Variants in MYO1D observed in about 807,000 individuals in gnomAD.
MYO1D encodes myosin ID, also known as unconventional myosin-Id.
Under a neutral mutation model 122.0 loss-of-function variants are expected in MYO1D, and 83 were observed. The ratio of observed to expected loss-of-function variants is 0.68; its 90% CI spans 0.57 to 0.82. The LOEUF (loss-of-function observed/expected upper bound fraction) is 0.82, where lower values mean the gene tolerates loss of function less well. Among genes scored for constraint, MYO1D ranks in the 40% least tolerant of loss-of-function variants. The pLI, the probability that MYO1D is intolerant of heterozygous loss-of-function variation, is 0.00. For synonymous variants in MYO1D, 464 were observed against 446.9 expected, an observed-to-expected ratio of 1.04 and a Z score of -0.48; for missense variants, 1,157 against 1,269.5, an observed-to-expected ratio of 0.91 and a Z score of 1.35.
At chr17:32,872,693 T>TC (rs1470978920) in intron 1 of MYO1D, among the ~76,000 whole-genome samples, 48 of 150,968 alleles carry the variant, frequency 3.2e-4, no homozygotes, top group African/African-American at 1.1e-3. Context: ...TAGGTCAATT[T>TC]TTTTTTTTTT....
chr17:32,650,273 C>T (rs534381050), intron 19 of MYO1D, among the ~76,000 whole-genome samples: 1 of 152,276 alleles, frequency 6.6e-6, no homozygotes, highest in Admixed American at 6.5e-5. Flanking sequence ...ACTTGCATTG[C>T]TTCTGACAAG....
intron 16 of MYO1D, among the ~76,000 whole-genome samples, chr17:32,701,115 C>T (rs770416178): frequency 6.6e-6 from 1 of 151,814 alleles, no homozygotes; most frequent in African/African-American, 2.4e-5. Flanking sequence ...ACTACAGATT[C>T]AAAGGAAATG....
At chr17:32,795,943 GC>G (rs1286742112) in intron 1 of MYO1D, among the ~76,000 whole-genome samples, 1 of 152,066 alleles carries the variant, frequency 6.6e-6, no homozygotes, top group African/African-American at 2.4e-5. Context: ...ACAGCATGTT[GC>G]TTCACACCAC....
chr17:32,538,501 T>C (rs1910731517), intron 21 of MYO1D, among the ~76,000 whole-genome samples: 1 of 151,424 alleles, frequency 6.6e-6, no homozygotes, highest in Non-Finnish European at 1.5e-5. Context: ...GGTCTTGCTG[T>C]GTTGTCCAGG....
intron 21 of MYO1D, among the ~76,000 whole-genome samples, chr17:32,554,068 T>G (rs1414492931): frequency 1.3e-5 from 2 of 152,214 alleles, no homozygotes; most frequent in Admixed American, 1.3e-4. Context: ...ATAAAATACC[T>G]GAGTCACCAG....
intron 1 of MYO1D, among the ~76,000 whole-genome samples, chr17:32,844,149 T>C (rs1027157290): frequency 6.7e-6 from 1 of 149,386 alleles, no homozygotes; most frequent in Non-Finnish European, 1.5e-5. Context: ...AAGTAACATA[T>C]AAATACATGT....
chr17:32,566,269 C>G (rs2087172853), intron 21 of MYO1D, among the ~76,000 whole-genome samples: 1 of 152,116 alleles, frequency 6.6e-6, no homozygotes, highest in African/African-American at 2.4e-5. Context: ...GAAGACGACA[C>G]TAACATGAGG....
Position 32,765,871 on chromosome 17 carries a change from T to A in MYO1D, c.832-790A>T, listed in dbSNP as rs140706829. ...TGCTCTAACGGGACTTATTGAACAG[T>A]CTAGCTTTTTCTGATTTGAAATGTC... On this transcript the variant is annotated intron_variant, in intron 7 of 21. Coordinates refer to ENST00000318217, the MANE Select transcript of MYO1D (RefSeq NM_015194.3). 3.4e-3 allele frequency among the ~76,000 whole-genome samples: 514 copies of A among 152,124 alleles called. 1 individual carries two copies. Among genetic ancestry groups the A allele is most frequent in the African/African-American group, 0.011 (469 of 41,512 alleles).
intron 16 of MYO1D, among the ~76,000 whole-genome samples, chr17:32,703,513 T>TA (rs1168861109): frequency 7.2e-5 from 11 of 152,084 alleles, no homozygotes; most frequent in Admixed American, 5.9e-4. Context: ...ACTCCTGTGC[T>TA]AAAGTGATCC....
chr17:32,595,970 C>G (rs2087488022), intron 21 of MYO1D, among the ~76,000 whole-genome samples: 1 of 152,020 alleles, frequency 6.6e-6, no homozygotes, highest in Non-Finnish European at 1.5e-5. Flanking sequence ...CTTGGCAGGT[C>G]CAGGATTGAA....
At position 32,689,714 on chromosome 17, in the gene MYO1D, A is replaced by G. The variant is rs114760890; in HGVS notation, c.2121+22274T>C. 8.3e-3 allele frequency among the ~76,000 whole-genome samples: 1,268 copies of G among 151,996 alleles called. 13 individuals are homozygous for G. The highest frequency in any genetic ancestry group is 0.029 in the African/African-American group (1,205 of 41,470). On this transcript the variant is annotated intron_variant, in intron 16 of 21. Transcript: ENST00000318217. The stretch of plus-strand genomic sequence containing the variant: ...ATATCGTCATTATTAATGGCTGCAT[A>G]GTTTTCCTGTCTTTTTTTTTTTGAG...
chr17:32,777,674 G>A (rs1056795090), intron 3 of MYO1D, among the ~76,000 whole-genome samples: 1 of 151,776 alleles, frequency 6.6e-6, no homozygotes, highest in African/African-American at 2.4e-5. Context: ...GGCCGGGCGC[G>A]GTGGCACATG....
chr17:32,504,221 C>T lies in MYO1D; in HGVS notation c.2865-9306G>A, dbSNP rs560907563. 1.2e-4 allele frequency among the ~76,000 whole-genome samples: 19 copies of T among 152,182 alleles called. 2 individuals are homozygous for T. The highest frequency in any genetic ancestry group is 6.2e-4 in the South Asian group (3 of 4,826). On this transcript the variant is annotated intron_variant, in intron 21 of 21. Coordinates refer to ENST00000318217, the MANE Select transcript of MYO1D (RefSeq NM_015194.3). Reference sequence around the variant, plus strand: ...ACTGAACTGACCTGGCTCCCAGGCCCGGGGGCGTGATCCACACTCACCCTG... The same window carrying T: ...ACTGAACTGACCTGGCTCCCAGGCCTGGGGGCGTGATCCACACTCACCCTG...
chr17:32,649,864 G>A (rs2088362995), intron 19 of MYO1D, among the ~76,000 whole-genome samples: 1 of 152,138 alleles, frequency 6.6e-6, no homozygotes, highest in Non-Finnish European at 1.5e-5. Context: ...GAGCCACCAT[G>A]CCTGGCCTAT....
At chr17:32,867,669 C>T (rs1442487847) in intron 1 of MYO1D, among the ~76,000 whole-genome samples, 7 of 149,954 alleles carry the variant, frequency 4.7e-5, no homozygotes, top group East Asian at 2.0e-4. Context: ...TGGTGGCAGG[C>T]GCCTGTAATC....
chr17:32,572,955 CTT>C (rs1315234941), intron 21 of MYO1D, among the ~76,000 whole-genome samples: 1 of 152,070 alleles, frequency 6.6e-6, no homozygotes, highest in Non-Finnish European at 1.5e-5. Context: ...CAGACATTAT[CTT>C]GTTTGTACTT....
intron 21 of MYO1D, among the ~76,000 whole-genome samples, chr17:32,499,488 G>A (rs1031196826): frequency 3.3e-5 from 5 of 151,840 alleles, no homozygotes; most frequent in Non-Finnish European, 7.4e-5. Flanking sequence ...ACAAAAATTA[G>A]CTGGGTGTGG....
intron 21 of MYO1D, chr17:32,602,792 C>A (rs1482749909): frequency 6.6e-6 from 1 of 152,114 alleles, no homozygotes; most frequent in Non-Finnish European, 1.5e-5. Flanking sequence ...CTTTGGATTT[C>A]CATAATTAAC....
In MYO1D at chr17:32,767,731, C is replaced by T. The variant is rs762727451; in HGVS notation, c.736G>A (p.Glu246Lys). The T allele has an allele frequency of 1.1e-5, 17 of 1,613,112 alleles. No homozygotes were observed. The Admixed American group carries it at 1.3e-4, about 13-fold the overall frequency. Residue 246 changes from glutamate (E) to lysine (K), a missense_variant, in exon 7 of 22, where the codon GAA (glutamate) becomes AAA (lysine). By Grantham distance (56) the Glu-to-Lys change is moderately conservative. Coordinates refer to ENST00000318217, the MANE Select transcript of MYO1D (RefSeq NM_015194.3). ...ATGGCATCAGCAACAACTCTGAATT[C>T]GGCAGCATCATTGATAGAAGACTGG... is the stretch of plus-strand genomic sequence containing the variant. Reference protein sequence around the residue: ...QLKSSINDAAEFRVVADAMKV... With the variant: ...QLKSSINDAAKFRVVADAMKV...
Sources: gnomAD v4.1 joint callset for allele counts (sites outside exome capture counted in the v4.1 genomes callset) on GRCh38, gnomAD v4.1.1 for gene constraint, MANE v1.5 for transcripts, NCBI Gene and HGNC (gene_info 2026-07-23, HGNC 2026-07-21) for gene names.